CSMD3: variants seen among roughly 807,000 people sequenced by gnomAD.
The protein encoded by CSMD3 is CUB and sushi domain-containing protein 3.
CSMD3 carries 177 observed loss-of-function variants against 435.2 expected under a neutral mutation model. The ratio of observed to expected loss-of-function variants is 0.41; its 90% CI spans 0.36 to 0.46. The LOEUF is 0.46. Ranked by LOEUF, CSMD3 falls within the 20% of genes least tolerant of loss-of-function variation. CSMD3 has a pLI of 0.34. For synonymous variants in CSMD3, 1,656 were observed against 1,520.5 expected (o/e 1.09, Z -2.07); for missense variants, 4,265 against 4,504.6 (o/e 0.95, Z 1.52).
intron 9 of CSMD3, among the ~76,000 whole-genome samples, chr8:112,929,161 G>A (rs1022373308): frequency 7.1e-6 from 1 of 140,906 alleles, no homozygotes; most frequent in African/African-American, 2.6e-5. Flanking sequence ...AAATTTGTTT[G>A]AGTTCATTGT....
chr8:112,357,033 A>G (rs1191190723), intron 38 of CSMD3, among the ~76,000 whole-genome samples: 10 of 152,194 alleles, frequency 6.6e-5, no homozygotes, highest in Admixed American at 1.3e-4. Context: ...AACTGACAGA[A>G]GTTGGAACAG....
intron 22 of CSMD3, among the ~76,000 whole-genome samples, chr8:112,631,030 A>G (rs1025050766): frequency 6.6e-6 from 1 of 151,864 alleles, no homozygotes; most frequent in Admixed American, 6.6e-5. Flanking sequence ...TTTCCTCTTA[A>G]TAATAAATAC....
intron 13 of CSMD3, among the ~76,000 whole-genome samples, chr8:112,773,615 T>C (rs1006051029): frequency 6.6e-6 from 1 of 151,958 alleles, no homozygotes; most frequent in African/African-American, 2.4e-5. Flanking sequence ...TTTGAGTGAA[T>C]AGACTACAGA....
intron 1 of CSMD3, 141 bp from the exon 2 acceptor site, chr8:113,314,934 A>G: frequency 1.6e-6 from 1 of 610,372 alleles, no homozygotes; most frequent in Non-Finnish European, 2.9e-6. Flanking sequence ...AGAGCTGGGC[A>G]CTATATACAA....
chr8:113,431,191 G>A (rs1324013096), intron 1 of CSMD3, among the ~76,000 whole-genome samples: 1 of 152,108 alleles, frequency 6.6e-6, no homozygotes. Context: ...TTTGGCAACC[G>A]CAGTGTCTGT....
At chr8:112,569,941 C>T (rs1230621233) in intron 24 of CSMD3, among the ~76,000 whole-genome samples, 2 of 152,106 alleles carry the variant, frequency 1.3e-5, no homozygotes, top group Non-Finnish European at 2.9e-5. Flanking sequence ...TGTTCTGATT[C>T]TGTCAATGTG....
intron 4 of CSMD3, among the ~76,000 whole-genome samples, chr8:113,162,668 T>C (rs2131840188): frequency 6.6e-6 from 1 of 152,158 alleles, no homozygotes; most frequent in South Asian, 2.1e-4. Context: ...TGTTGCACTT[T>C]AACCTTAACA....
At chr8:112,508,684 C>T (rs1822784360) in intron 28 of CSMD3, among the ~76,000 whole-genome samples, 1 of 152,162 alleles carries the variant, frequency 6.6e-6, no homozygotes, top group South Asian at 2.1e-4. Flanking sequence ...CATCTAACTC[C>T]TGAGATAGGT....
chr8:112,981,734 CAAGAT>C (rs1404627008), intron 6 of CSMD3, among the ~76,000 whole-genome samples: 2 of 151,558 alleles, frequency 1.3e-5, no homozygotes, highest in Admixed American at 6.6e-5. Flanking sequence ...TGTTTATATG[CAAGAT>C]AAGGATCTCA....
intron 5 of CSMD3, among the ~76,000 whole-genome samples, chr8:113,084,175 T>C (rs1181909367): frequency 1.3e-5 from 2 of 152,116 alleles, no homozygotes; most frequent in Non-Finnish European, 2.9e-5. Flanking sequence ...TTATCCTTGT[T>C]TGCAGATGTC....
intron 35 of CSMD3, among the ~76,000 whole-genome samples, chr8:112,392,430 A>G (rs1209351388): frequency 3.9e-5 from 6 of 152,198 alleles, no homozygotes; most frequent in African/African-American, 1.4e-4. Flanking sequence ...TGGGTTATAT[A>G]CAAATTCTGT....
intron 25 of CSMD3, among the ~76,000 whole-genome samples, chr8:112,555,125 T>C (rs1828004469): frequency 6.6e-6 from 1 of 151,954 alleles, no homozygotes; most frequent in South Asian, 2.1e-4. Flanking sequence ...ACCCTACCTG[T>C]GAAATCTTGT....
intron 5 of CSMD3, among the ~76,000 whole-genome samples, chr8:113,096,038 C>CT (rs2090152779): frequency 6.6e-6 from 1 of 152,012 alleles, no homozygotes; most frequent in African/African-American, 2.4e-5. Flanking sequence ...TTTCTTTTTC[C>CT]TTTTTTTAAA....
chr8:112,710,812 T>A (rs1441125106), intron 13 of CSMD3, among the ~76,000 whole-genome samples: 1 of 150,976 alleles, frequency 6.6e-6, no homozygotes, highest in Non-Finnish European at 1.5e-5. Context: ...TAAGTTCCCA[T>A]AAGACTTTTG....
intron 27 of CSMD3, among the ~76,000 whole-genome samples, chr8:112,544,950 T>C (rs1027202397): frequency 6.6e-6 from 1 of 152,210 alleles, no homozygotes; most frequent in Non-Finnish European, 1.5e-5. Context: ...GTTCCAAATT[T>C]ACACAATAAA....
At chr8:112,662,302 A>G (rs2075402822) in intron 17 of CSMD3, among the ~76,000 whole-genome samples, 1 of 152,216 alleles carries the variant, frequency 6.6e-6, no homozygotes, top group Non-Finnish European at 1.5e-5. Flanking sequence ...CCAAAACAGC[A>G]TGGTACTGGT....
chr8:112,723,144 G>C (rs1483103966), intron 13 of CSMD3, among the ~76,000 whole-genome samples: 1 of 151,934 alleles, frequency 6.6e-6, no homozygotes, highest in Non-Finnish European at 1.5e-5. Context: ...ACCTAAGTAT[G>C]CAAAATCATT....
intron 13 of CSMD3, among the ~76,000 whole-genome samples, chr8:112,693,840 A>T (rs953747097): frequency 1.3e-5 from 2 of 151,600 alleles, no homozygotes; most frequent in Non-Finnish European, 2.9e-5. Flanking sequence ...ATTTTTAGGG[A>T]TTCTCTATTT....
intron 49 of CSMD3, among the ~76,000 whole-genome samples, chr8:112,311,790 A>G (rs1169531266): frequency 6.6e-6 from 1 of 152,200 alleles, no homozygotes; most frequent in Non-Finnish European, 1.5e-5. Context: ...TAGCTTTTTC[A>G]TATGTACTTT....
Sources: allele counts gnomAD v4.1 joint callset (sites outside exome capture counted in the v4.1 genomes callset), GRCh38; gene constraint gnomAD v4.1.1; transcripts MANE v1.5; gene names NCBI Gene and HGNC (gene_info 2026-07-23, HGNC 2026-07-21).